DOCK10: variants seen among roughly 807,000 people sequenced by gnomAD.
The protein encoded by DOCK10 is dedicator of cytokinesis 10.
DOCK10 carries 145 observed loss-of-function variants against 280.1 expected under a neutral mutation model. That is an observed-to-expected ratio of 0.52 (90% confidence interval 0.45 to 0.59). The LOEUF (loss-of-function observed/expected upper bound fraction) is 0.59, where lower values mean the gene tolerates loss of function less well. DOCK10 is among the 20% of genes least tolerant of loss of function. The pLI is 0.00. For missense variants in DOCK10, 2,368 were observed against 2,651.7 expected, an observed-to-expected ratio of 0.89 and a Z score of 2.35; for synonymous variants, 915 against 942.2, an observed-to-expected ratio of 0.97 and a Z score of 0.53.
chr2:224,869,104 C>T (rs1249803663), intron 11 of DOCK10, among the ~76,000 whole-genome samples: 2 of 152,052 alleles, frequency 1.3e-5, no homozygotes, highest in Non-Finnish European at 2.9e-5. Context: ...CAAATTAATT[C>T]ATAGGTTTCT....
Position 224,774,930 on chromosome 2 carries a change from C to G in DOCK10, c.5988G>C (p.Gln1996His). ...SGKKHGGVAE[Q>H]CKRRTILTTS... Reference sequence around the variant, plus strand: ...TTGTCAGGATCGTCCGCCGCTTGCACTGCTCCGCCACCCCACCGTGCTTCT... The same window carrying G: ...TTGTCAGGATCGTCCGCCGCTTGCAGTGCTCCGCCACCCCACCGTGCTTCT... Residue 1996 changes from glutamine to histidine, a missense_variant, in exon 52 of 56, where the codon CAG becomes CAC. Around this residue, in one of 2 missense-constraint regions of DOCK10, gnomAD observed 1,159 missense variants for 1,400.8 expected, o/e 0.83. Coordinates refer to ENST00000258390, the MANE Select transcript of DOCK10 (RefSeq NM_014689.3). The G allele has an allele frequency of 6.2e-7, 1 of 1,603,538 alleles. No individual in the cohort carries two copies. The highest frequency in any genetic ancestry group is 8.5e-7 in the Non-Finnish European group (1 of 1,174,718).
intron 22 of DOCK10, among the ~76,000 whole-genome samples, chr2:224,842,615 CTCTTT>C (rs1378056121): frequency 1.3e-5 from 2 of 152,136 alleles, no homozygotes; most frequent in African/African-American, 4.8e-5. Context: ...GCCCTATTTT[CTCTTT>C]TCTAAGTGTA....
In DOCK10 at chr2:224,894,480, G is replaced by A. The variant is rs146002890; in HGVS notation, c.416+1815C>T. The stretch of plus-strand genomic sequence containing the variant: ...GATGCAGTCTCCCAACTTCCGAGTT[G>A]TAACCACTTCTCAGAACTATTTTCA... On this transcript the variant is annotated intron_variant, in intron 4 of 55. Coordinates refer to ENST00000258390, the MANE Select transcript of DOCK10 (RefSeq NM_014689.3). 1.4e-4 allele frequency among the ~76,000 whole-genome samples: 22 copies of A among 152,292 alleles called. 1 individual carries two copies. Among genetic ancestry groups the A allele is most frequent in the African/African-American group, 5.1e-4 (21 of 41,556 alleles).
chr2:224,802,413 G>A (rs573241978), intron 39 of DOCK10, among the ~76,000 whole-genome samples: 2 of 152,264 alleles, frequency 1.3e-5, no homozygotes, highest in South Asian at 4.1e-4. Flanking sequence ...GTACAGCTCA[G>A]ATGCATCAAA....
chr2:224,923,739 C>T (rs1337262494), intron 2 of DOCK10, among the ~76,000 whole-genome samples: 1 of 152,222 alleles, frequency 6.6e-6, no homozygotes, highest in Non-Finnish European at 1.5e-5. Context: ...CTCTGCCTCT[C>T]CAAAAGTCTT....
In DOCK10 at chr2:224,970,709, C is replaced by T. The variant is rs1461242257; in HGVS notation, c.124-39041G>A. ...CTCATAGCTTTACTCTACAGATTAA[C>T]TTGAACTCATTATCTCTGTATTTAA... On this transcript the variant is annotated intron_variant, in intron 1 of 55. Transcript: ENST00000258390. This position sits in a 1 kb window ranked among gnomAD's most constrained non-coding sequence, Gnocchi z 4.6. Among the ~76,000 whole-genome samples the T allele has an allele frequency of 2.0e-5, 3 of 152,198 alleles. No individual in the cohort carries two copies. Among genetic ancestry groups the T allele is most frequent in the African/African-American group, 7.2e-5 (3 of 41,448 alleles).
At chr2:224,947,050 T>C (rs1438233744) in intron 1 of DOCK10, 2 of 1,414,140 alleles carry the variant, frequency 1.4e-6, no homozygotes, top group Non-Finnish European at 1.8e-6. Flanking sequence ...TCTTTCTTCT[T>C]GGTAAAAAGG....
intron 1 of DOCK10, among the ~76,000 whole-genome samples, chr2:224,956,689 C>T (rs1704064030): frequency 6.7e-6 from 1 of 150,360 alleles, no homozygotes; most frequent in Admixed American, 6.6e-5. Context: ...ACTACACAGA[C>T]CACACTTTGA....
chr2:225,003,666 AAATTTTACAAGGT>A (rs906011035), intron 1 of DOCK10, among the ~76,000 whole-genome samples: 2 of 152,200 alleles, frequency 1.3e-5, no homozygotes, highest in African/African-American at 2.4e-5. Flanking sequence ...TATTTGTTCA[AAATTTTACAAGGT>A]AACATTGTTG....
At chr2:225,015,294 C>G (rs1689560274) in intron 1 of DOCK10, among the ~76,000 whole-genome samples, 1 of 152,126 alleles carries the variant, frequency 6.6e-6, no homozygotes, top group Non-Finnish European at 1.5e-5. Context: ...TAGAATAAAG[C>G]AACTTTGCAG....
intron 28 of DOCK10, among the ~76,000 whole-genome samples, chr2:224,822,259 G>A (rs1167219249): frequency 6.6e-6 from 1 of 152,140 alleles, no homozygotes; most frequent in East Asian, 1.9e-4. Context: ...ATGGTATACT[G>A]TAATTATGTA....
chr2:224,819,664 C>T, intron 28 of DOCK10, 135 bp from the exon 29 acceptor site: 1 of 542,778 alleles, frequency 1.8e-6, no homozygotes, highest in Non-Finnish European at 3.1e-6. Flanking sequence ...TTTAAAAAAT[C>T]TTCTAAAGAT....
At chr2:224,793,489 G>A (rs1692351153) in intron 45 of DOCK10, 32 bp from the exon 46 acceptor site, 2 of 1,581,146 alleles carry the variant, frequency 1.3e-6, no homozygotes, top group Non-Finnish European at 1.7e-6. Flanking sequence ...AGAGGCTCAG[G>A]GGATGGAGTT....
At chr2:224,919,850 G>A (rs576164071) in intron 2 of DOCK10, among the ~76,000 whole-genome samples, 1 of 152,210 alleles carries the variant, frequency 6.6e-6, no homozygotes, top group Non-Finnish European at 1.5e-5. Context: ...TGATGAAAAT[G>A]AATGCTCGCC....
At chr2:224,782,918 G>A (rs79650847) in intron 50 of DOCK10, among the ~76,000 whole-genome samples, 2 of 152,312 alleles carry the variant, frequency 1.3e-5, no homozygotes, top group Non-Finnish European at 2.9e-5. Context: ...TGGAGATTAT[G>A]CTAATCAAGT....
intron 1 of DOCK10, among the ~76,000 whole-genome samples, chr2:224,972,592 C>A (rs1233263514): frequency 6.6e-6 from 1 of 152,142 alleles, no homozygotes; most frequent in South Asian, 2.1e-4. Context: ...AAATGAGATA[C>A]AATCTATTCT....
chr2:224,790,673 T>G (rs1156613014), intron 47 of DOCK10, among the ~76,000 whole-genome samples: 1 of 152,118 alleles, frequency 6.6e-6, no homozygotes, highest in Non-Finnish European at 1.5e-5. Context: ...ATATGATAGT[T>G]AATTGTAGGA....
intron 41 of DOCK10, among the ~76,000 whole-genome samples, chr2:224,799,638 A>C (rs1474215237): frequency 6.6e-6 from 1 of 152,242 alleles, no homozygotes; most frequent in Non-Finnish European, 1.5e-5. Context: ...CCCACTGTCA[A>C]TAAATAGGAG....
At chr2:224,936,828 T>A (rs1259643073) in intron 1 of DOCK10, among the ~76,000 whole-genome samples, 1 of 152,166 alleles carries the variant, frequency 6.6e-6, no homozygotes, top group Admixed American at 6.5e-5. Context: ...GAAAATGAAC[T>A]TGGTTTCTCA....
Sources: allele counts gnomAD v4.1 joint callset (sites outside exome capture counted in the v4.1 genomes callset), GRCh38; gene constraint gnomAD v4.1.1; regional missense constraint gnomAD v4.1.1; non-coding constraint Gnocchi (gnomAD v3.1); transcripts MANE v1.5; gene names NCBI Gene and HGNC (gene_info 2026-07-23, HGNC 2026-07-21).